Variants in PTPN21 observed in about 807,000 individuals in gnomAD.
PTPN21 encodes protein tyrosine phosphatase non-receptor type 21, also known as tyrosine-protein phosphatase non-receptor type 21.
Under a neutral mutation model 131.8 loss-of-function variants are expected in PTPN21, and 77 were observed. The observed-to-expected ratio is 0.58, with a 90% confidence interval of 0.49 to 0.71. The LOEUF is 0.71. PTPN21 is among the 30% of genes least tolerant of loss of function. The pLI is 0.00. For synonymous variants in PTPN21, 715 were observed against 621.3 expected, an observed-to-expected ratio of 1.15 and a Z score of -2.24; for missense variants, 1,552 against 1,527.1, an observed-to-expected ratio of 1.02 and a Z score of -0.27.
chr14:88,495,707 AG>A (rs1338513181), intron 10 of PTPN21, among the ~76,000 whole-genome samples: 1 of 152,176 alleles, frequency 6.6e-6, no homozygotes, highest in Admixed American at 6.6e-5. Context: ...GAAGCCGAGC[AG>A]GGGGTGGTGT....
intron 8 of PTPN21, among the ~76,000 whole-genome samples, chr14:88,500,422 C>T (rs2077991104): frequency 6.6e-6 from 1 of 152,158 alleles, no homozygotes; most frequent in African/African-American, 2.4e-5. Flanking sequence ...AGAGTGAGAC[C>T]TTGCCTCACA....
At chr14:88,546,605 T>C (rs2078786238) in intron 2 of PTPN21, among the ~76,000 whole-genome samples, 1 of 150,116 alleles carries the variant, frequency 6.7e-6, no homozygotes, top group Admixed American at 6.7e-5. Flanking sequence ...ATTGTCATTA[T>C]AGAAGTGAAA....
chr14:88,533,520 TA>T (rs2078582360), intron 2 of PTPN21, among the ~76,000 whole-genome samples: 1 of 152,210 alleles, frequency 6.6e-6, no homozygotes, highest in African/African-American at 2.4e-5. Flanking sequence ...TGGACGATAA[TA>T]AATGACTATG....
At chr14:88,493,389 G>T (rs1340205106) in intron 10 of PTPN21, among the ~76,000 whole-genome samples, 1 of 152,208 alleles carries the variant, frequency 6.6e-6, no homozygotes, top group Non-Finnish European at 1.5e-5. Flanking sequence ...AGAAGGGAAG[G>T]AAGGGCATTT....
chr14:88,527,309 C>T (rs774745582), intron 2 of PTPN21, among the ~76,000 whole-genome samples: 2 of 152,138 alleles, frequency 1.3e-5, no homozygotes, highest in East Asian at 1.9e-4. Flanking sequence ...CACATTTACA[C>T]CAACATCTAT....
chr14:88,487,115 C>T (rs746870890), intron 10 of PTPN21, among the ~76,000 whole-genome samples: 3 of 151,484 alleles, frequency 2.0e-5, no homozygotes, highest in Non-Finnish European at 4.4e-5. Flanking sequence ...AGGAAACAGA[C>T]ACAGAAAAGC....
Position 88,479,721 on chromosome 14 carries a change from CGGGTAGGGTGGGGGT to C in PTPN21, c.1695_1709del (p.Pro568_Pro572del), listed in dbSNP as rs766935882. 1.1e-5 allele frequency: 1 copy of C among 88,138 alleles called. No individual in the cohort carries two copies. The highest frequency in any genetic ancestry group is 2.1e-4 in the Admixed American group (1 of 4,680). 5.5% of individuals were successfully genotyped at this position (88,138 alleles called of 1,614,324 possible). On this transcript the variant is annotated inframe_deletion, in exon 13 of 19. Coordinates refer to ENST00000556564, the MANE Select transcript of PTPN21 (RefSeq NM_007039.4). ...GCGTGCTGTTGGCGGGCCTGGGGGGCGGGTAGGGTGGGGGTGGCCGGTACACCTGCGTCCGCATGA... is the reference window on the plus strand; with the variant it reads ...GCGTGCTGTTGGCGGGCCTGGGGGGCGGCCGGTACACCTGCGTCCGCATGA...
chr14:88,483,759 C>T (rs1278010642), intron 12 of PTPN21, among the ~76,000 whole-genome samples: 1 of 152,196 alleles, frequency 6.6e-6, no homozygotes, highest in Non-Finnish European at 1.5e-5. Flanking sequence ...GAAAGTTCTT[C>T]TCAATCTCCC....
intron 2 of PTPN21, among the ~76,000 whole-genome samples, chr14:88,526,579 T>G (rs959531401): frequency 1.5e-5 from 2 of 137,056 alleles, no homozygotes; most frequent in Non-Finnish European, 3.1e-5. Context: ...AAAAAAAGGT[T>G]AGTTGTACAT....
At chr14:88,485,462 A>G (rs957683206) in intron 11 of PTPN21, among the ~76,000 whole-genome samples, 4 of 152,168 alleles carry the variant, frequency 2.6e-5, no homozygotes, top group Non-Finnish European at 4.4e-5. Flanking sequence ...ACATTTCAAC[A>G]TAAGAAGCTT....
intron 10 of PTPN21, among the ~76,000 whole-genome samples, chr14:88,495,824 C>T (rs1304206246): frequency 6.6e-6 from 1 of 151,918 alleles, no homozygotes; most frequent in Non-Finnish European, 1.5e-5. Context: ...GATCACTGGA[C>T]GAAAGTCACC....
chr14:88,487,014 G>A (rs2077746986), intron 10 of PTPN21, among the ~76,000 whole-genome samples: 1 of 149,764 alleles, frequency 6.7e-6, no homozygotes, highest in Admixed American at 6.6e-5. Context: ...AAACGTATTA[G>A]GGAGTGCTGA....
chr14:88,480,908 A>T (rs2077644300), intron 12 of PTPN21, among the ~76,000 whole-genome samples: 1 of 152,242 alleles, frequency 6.6e-6, no homozygotes, highest in Non-Finnish European at 1.5e-5. Context: ...AGTGTCCAGA[A>T]GCCAAGAGGA....
At position 88,469,552 on chromosome 14, in the gene PTPN21, T is replaced by G; in HGVS notation, c.3182A>C (p.Gln1061Pro). The stretch of plus-strand genomic sequence containing the variant: ...GCCATGTTCAGGCCAGTCTGTGTAT[T>G]GGAGGTGCCAGACGGTCCTCTCTTG... The part of the protein sequence containing the change: ...TGQERTVWHL[Q>P]YTDWPEHGCP... Residue 1061 changes from glutamine (Q) to proline (P), a missense_variant, in exon 17 of 19, where the codon CAA becomes CCA. Gln to Pro is a moderately conservative substitution (Grantham distance 76, BLOSUM62 -1). Around this residue, in one of 4 missense-constraint regions of PTPN21, gnomAD observed 316 missense variants for 378.5 expected, o/e 0.83. Coordinates refer to ENST00000556564, the MANE Select transcript of PTPN21 (RefSeq NM_007039.4). The surrounding 1 kb of genome is among the most constrained non-coding windows in gnomAD (Gnocchi z 4.3). The G allele has an allele frequency of 6.2e-7, 1 of 1,614,198 alleles. No individual in the cohort carries two copies. Among genetic ancestry groups the G allele is most frequent in the Non-Finnish European group, 8.5e-7 (1 of 1,180,042 alleles).
intron 4 of PTPN21, 58 bp from the exon 5 acceptor site, chr14:88,505,429 CACA>C: frequency 7.9e-7 from 1 of 1,262,506 alleles, no homozygotes; most frequent in South Asian, 1.3e-5. Flanking sequence ...GCAAAATATG[CACA>C]ACAAAATTCA....
chr14:88,489,656 A>AAAT (rs1595363137), intron 10 of PTPN21, among the ~76,000 whole-genome samples: 3 of 151,922 alleles, frequency 2.0e-5, no homozygotes, highest in Non-Finnish European at 2.9e-5. Context: ...TCTCTTTAAA[A>AAAT]AAATAAATAA....
At chr14:88,489,694 T>C (rs970827158) in intron 10 of PTPN21, among the ~76,000 whole-genome samples, 1 of 152,146 alleles carries the variant, frequency 6.6e-6, no homozygotes, top group African/African-American at 2.4e-5. Flanking sequence ...TGGAAATACC[T>C]AGCAAATGTT....
rs1566813239 is a variant in PTPN21, at chr14:88,479,538, CT to C, written c.1892del (p.Gln631ArgfsTer63). On this transcript the variant is annotated frameshift_variant, in exon 13 of 19. Coordinates refer to ENST00000556564, the MANE Select transcript of PTPN21 (RefSeq NM_007039.4). LOFTEE classifies it high-confidence loss of function. ...SEPLTAARHA[Q>X]LHKRNSIEVA... ...CCTCGATGCTGTTCCGTTTGTGCAG[CT>C]GCGCGTGGCGCGCGGCGGTGAGGGG... The C allele has an allele frequency of 3.0e-5, 48 of 1,599,960 alleles. No homozygotes were observed. The highest frequency in any genetic ancestry group is 4.1e-5 in the Non-Finnish European group (48 of 1,179,190).
intron 8 of PTPN21, among the ~76,000 whole-genome samples, chr14:88,500,422 C>CT (rs1236562616): frequency 2.0e-5 from 3 of 152,158 alleles, no homozygotes; most frequent in African/African-American, 7.2e-5. Flanking sequence ...AGAGTGAGAC[C>CT]TTGCCTCACA....
Sources: allele counts gnomAD v4.1 joint callset (sites outside exome capture counted in the v4.1 genomes callset), GRCh38; gene constraint gnomAD v4.1.1; regional missense constraint gnomAD v4.1.1; non-coding constraint Gnocchi (gnomAD v3.1); transcripts MANE v1.5; gene names NCBI Gene and HGNC (gene_info 2026-07-23, HGNC 2026-07-21).